The following RPGRIP1L variants were observed in gnomAD, a reference collection of about 807,000 sequenced individuals.
RPGRIP1L encodes protein fantom.
Under a neutral mutation model 160.4 loss-of-function variants are expected in RPGRIP1L, and 131 were observed. The ratio of observed to expected loss-of-function variants is 0.82; its 90% CI spans 0.71 to 0.94. The LOEUF (loss-of-function observed/expected upper bound fraction) is 0.94. Ranked by LOEUF, RPGRIP1L falls within the 40% of genes least tolerant of loss-of-function variation. The pLI is 0.00. For synonymous variants in RPGRIP1L, 510 were observed against 515.8 expected (o/e 0.99, Z 0.15); for missense variants, 1,522 against 1,535.8 (o/e 0.99, Z 0.15).
chr16:53,647,879 G>A (rs946975024), intron 16 of RPGRIP1L, among the ~76,000 whole-genome samples: 39 of 152,202 alleles, frequency 2.6e-4, no homozygotes, highest in African/African-American at 9.4e-4. Flanking sequence ...GCTGAGGCGG[G>A]TGGATCACGA....
At chr16:53,631,534 A>G (rs534030771) in intron 22 of RPGRIP1L, among the ~76,000 whole-genome samples, 1 of 152,326 alleles carries the variant, frequency 6.6e-6, no homozygotes, top group Admixed American at 6.5e-5. Context: ...ATAATGCAAA[A>G]GATGGATTGT....
intron 25 of RPGRIP1L, among the ~76,000 whole-genome samples, chr16:53,606,785 T>G (rs1340765975): frequency 7.9e-5 from 12 of 152,182 alleles, no homozygotes; most frequent in Non-Finnish European, 1.6e-4. Flanking sequence ...GGCTAATTTT[T>G]GTATTTTTAG....
intron 3 of RPGRIP1L, chr16:53,694,306 AG>A (rs945357155): frequency 4.0e-5 from 6 of 151,654 alleles, no homozygotes; most frequent in African/African-American, 1.5e-4. Context: ...GTATGGTGGC[AG>A]GCGCCTGTGA....
chr16:53,695,067 C>T, intron 3 of RPGRIP1L: 2 of 427,442 alleles, frequency 4.7e-6, no homozygotes, highest in South Asian at 5.3e-5. Flanking sequence ...CATTAAACTA[C>T]ATGGCTCATT....
intron 21 of RPGRIP1L, 116 bp from the exon 22 acceptor site, chr16:53,636,628 T>C: frequency 1.5e-6 from 1 of 668,594 alleles, no homozygotes; most frequent in East Asian, 2.8e-5. Context: ...ACATGGTAAT[T>C]ATACCTAGAT....
chr16:53,665,191 T>C (rs1321421191), intron 9 of RPGRIP1L, among the ~76,000 whole-genome samples, 182 bp from the exon 10 acceptor site: 3 of 152,142 alleles, frequency 2.0e-5, no homozygotes, highest in Non-Finnish European at 2.9e-5. Flanking sequence ...TTAGGGAACA[T>C]GAAAGAGTTT....
At chr16:53,674,359 CTATGTTAAT>C (rs1360332659) in intron 7 of RPGRIP1L, among the ~76,000 whole-genome samples, 3 of 152,100 alleles carry the variant, frequency 2.0e-5, no homozygotes, top group Non-Finnish European at 2.9e-5. Flanking sequence ...ATTCCAGAAC[CTATGTTAAT>C]TATGCAGTGC....
intron 17 of RPGRIP1L, among the ~76,000 whole-genome samples, chr16:53,642,735 C>T (rs1421308286): frequency 6.6e-6 from 1 of 152,166 alleles, no homozygotes; most frequent in Non-Finnish European, 1.5e-5. Context: ...CCCTTTCTCC[C>T]CCACTCCCAT....
chr16:53,603,674 ATGTGTGTGTG>A (rs3035223), intron 26 of RPGRIP1L, among the ~76,000 whole-genome samples: 11,931 of 148,004 alleles, frequency 0.081, 873 homozygotes, highest in African/African-American at 0.17. Context: ...TTGAACTTTA[ATGTGTGTGTG>A]TGTGTGTGTG....
intron 5 of RPGRIP1L, among the ~76,000 whole-genome samples, chr16:53,687,444 T>C (rs890307305): frequency 2.0e-5 from 3 of 152,154 alleles, no homozygotes; most frequent in Admixed American, 6.6e-5. Flanking sequence ...GAAATCCATA[T>C]GTATCTGATA....
At chr16:53,679,844 AG>A (rs1567872777) in intron 6 of RPGRIP1L, among the ~76,000 whole-genome samples, 1 of 152,196 alleles carries the variant, frequency 6.6e-6, no homozygotes, top group African/African-American at 2.4e-5. Context: ...GTTTAAAGGC[AG>A]GGAATCATTT....
chr16:53,624,469 G>A lies in RPGRIP1L; in HGVS notation c.3295-2113C>T, dbSNP rs550668940. ...TGAGGCAGAAGAATCACTTGAACCCGGCAGGTGGAGGTTGCAGTGAGCTGA... is the reference window on the plus strand; with the variant it reads ...TGAGGCAGAAGAATCACTTGAACCCAGCAGGTGGAGGTTGCAGTGAGCTGA... On this transcript the variant is annotated intron_variant, in intron 22 of 26. Transcript: ENST00000647211. Among the ~76,000 whole-genome samples, 445 of 152,042 alleles carry A rather than the reference G, an allele frequency of 2.9e-3. 2 individuals are homozygous for A. Among genetic ancestry groups the A allele is most frequent in the Middle Eastern group, 6.8e-3 (2 of 294 alleles).
intron 5 of RPGRIP1L, 118 bp from the exon 6 acceptor site, chr16:53,686,694 T>C: frequency 1.1e-6 from 1 of 932,242 alleles, no homozygotes. Context: ...AAATTTAGCT[T>C]AAGTGCCTCT....
chr16:53,613,548 C>T (rs917855034), intron 24 of RPGRIP1L, among the ~76,000 whole-genome samples: 1 of 152,082 alleles, frequency 6.6e-6, no homozygotes, highest in African/African-American at 2.4e-5. Context: ...AACTCCTGGC[C>T]TCAAGTGATC....
chr16:53,644,833 T>C (rs1333402073), intron 17 of RPGRIP1L, among the ~76,000 whole-genome samples: 1 of 152,090 alleles, frequency 6.6e-6, no homozygotes, highest in African/African-American at 2.4e-5. Context: ...AGACATGTCA[T>C]AGGAAGTTCT....
intron 24 of RPGRIP1L, among the ~76,000 whole-genome samples, 186 bp from the exon 25 acceptor site, chr16:53,611,237 G>A (rs1319895079): frequency 6.6e-6 from 1 of 152,240 alleles, no homozygotes; most frequent in Non-Finnish European, 1.5e-5. Context: ...GTGATCTAAT[G>A]TCATGTCACT....
In RPGRIP1L at chr16:53,606,727, C is replaced by T. The variant is rs188836654; in HGVS notation, c.3702-1113G>A. ...CTCCTGGGTTCAAGCAATTCTCCTG[C>T]CTCAGCCTCCCGAGTAGCTGGGATT... On this transcript the variant is annotated intron_variant, in intron 25 of 26. Transcript: ENST00000647211. Among the ~76,000 whole-genome samples, 93 of 152,172 alleles carry T rather than the reference C, an allele frequency of 6.1e-4. 1 individual carries two copies. The highest frequency in any genetic ancestry group is 3.5e-3 in the South Asian group (17 of 4,810).
intron 17 of RPGRIP1L, among the ~76,000 whole-genome samples, chr16:53,643,616 C>A (rs938812885): frequency 6.6e-6 from 1 of 152,226 alleles, no homozygotes; most frequent in Non-Finnish European, 1.5e-5. Context: ...TGACTGACCA[C>A]TAAGCTATGC....
chr16:53,645,491 T>C (rs1261023221), intron 17 of RPGRIP1L, 134 bp downstream of exon 17: 1 of 689,590 alleles, frequency 1.5e-6, no homozygotes, highest in South Asian at 2.5e-5. Flanking sequence ...TTTTAAAATA[T>C]AGTAATATAG....
Sources: gnomAD v4.1 joint callset for allele counts (sites outside exome capture counted in the v4.1 genomes callset) on GRCh38, gnomAD v4.1.1 for gene constraint, MANE v1.5 for transcripts, NCBI Gene and HGNC (gene_info 2026-07-23, HGNC 2026-07-21) for gene names.